METTL8: variants seen among roughly 807,000 people sequenced by gnomAD.
The protein encoded by METTL8 is tRNA N(3)-cytidine methyltransferase METTL8, mitochondrial.
Under a neutral mutation model 48.7 loss-of-function variants are expected in METTL8, and 32 were observed. The ratio of observed to expected loss-of-function variants is 0.66; its 90% CI spans 0.50 to 0.88. The LOEUF is 0.88. Ranked by LOEUF, METTL8 falls within the 40% of genes least tolerant of loss-of-function variation. The pLI is 0.00. For missense variants in METTL8, 464 were observed against 474.4 expected, an observed-to-expected ratio of 0.98 and a Z score of 0.20; for synonymous variants, 136 against 157.1, an observed-to-expected ratio of 0.87 and a Z score of 1.01.
chr2:171,406,415 A>T (rs1050138692), intron 1 of METTL8, among the ~76,000 whole-genome samples: 1 of 152,228 alleles, frequency 6.6e-6, no homozygotes, highest in African/African-American at 2.4e-5. Flanking sequence ...TGCTTAAACA[A>T]CAGAAATTTT....
chr2:171,412,474 A>C (rs1690845783), intron 1 of METTL8, among the ~76,000 whole-genome samples: 1 of 152,216 alleles, frequency 6.6e-6, no homozygotes, highest in Non-Finnish European at 1.5e-5. Flanking sequence ...TTAAACTAGA[A>C]GTTCTCAGAG....
chr2:171,356,161 A>AT (rs929802019), intron 3 of METTL8, among the ~76,000 whole-genome samples: 33 of 151,232 alleles, frequency 2.2e-4, no homozygotes, highest in East Asian at 1.2e-3. Context: ...TCTTCCAGCT[A>AT]TTTTTTTTTG....
At chr2:171,410,462 T>C (rs1055337176) in intron 1 of METTL8, among the ~76,000 whole-genome samples, 3 of 152,322 alleles carry the variant, frequency 2.0e-5, no homozygotes, top group Non-Finnish European at 4.4e-5. Context: ...ACATAAAACC[T>C]GTCAACCAAC....
At chr2:171,427,208 A>G (rs1238075292) in intron 1 of METTL8, among the ~76,000 whole-genome samples, 1 of 152,186 alleles carries the variant, frequency 6.6e-6, no homozygotes, top group African/African-American at 2.4e-5. Flanking sequence ...TCCAAAATAC[A>G]TCTTGAATCT....
chr2:171,418,859 G>A (rs1420248815), intron 1 of METTL8, among the ~76,000 whole-genome samples: 2 of 152,096 alleles, frequency 1.3e-5, no homozygotes, highest in Non-Finnish European at 2.9e-5. Flanking sequence ...GGAGGCTGAG[G>A]TGGGAAGACT....
intron 1 of METTL8, among the ~76,000 whole-genome samples, chr2:171,410,747 C>T (rs191626324): frequency 1.1e-4 from 16 of 152,240 alleles, no homozygotes; most frequent in African/African-American, 3.6e-4. Context: ...GTTCTTGTTG[C>T]CATACATGTA....
chr2:171,404,943 C>T (rs1427117264), intron 1 of METTL8, among the ~76,000 whole-genome samples: 1 of 152,178 alleles, frequency 6.6e-6, no homozygotes, highest in Non-Finnish European at 1.5e-5. Flanking sequence ...TCAAGTCACA[C>T]TTCAGAGGGA....
At position 171,318,216 on chromosome 2, in the gene METTL8, T is replaced by C. The variant is rs1325127455; in HGVS notation, c.*5956A>G. On this transcript the variant is annotated 3_prime_UTR_variant, in exon 10 of 10. Coordinates refer to ENST00000375258, the MANE Select transcript of METTL8 (RefSeq NM_001321154.2). The stretch of plus-strand genomic sequence containing the variant: ...TATATTTATAACTACACCAAAGCCA[T>C]CTTGCGGGTACCTTTGCGCCTCTCA... 6.6e-6 allele frequency: 1 copy of C among 152,204 alleles called. No homozygotes were observed. Among genetic ancestry groups the C allele is most frequent in the Non-Finnish European group, 1.5e-5 (1 of 68,042 alleles). 9.4% of individuals were successfully genotyped at this position (152,204 alleles called of 1,614,324 possible).
chr2:171,319,363 T>C lies in METTL8; in HGVS notation c.*4809A>G, dbSNP rs1559029592. On this transcript the variant is annotated 3_prime_UTR_variant, in exon 10 of 10. Coordinates refer to ENST00000375258, the MANE Select transcript of METTL8 (RefSeq NM_001321154.2). ...GATTAGTGATGCAAATGTGAAGTTATCTGCACTTGTGAGGAGCATAACAAA... is the reference window on the plus strand; with the variant it reads ...GATTAGTGATGCAAATGTGAAGTTACCTGCACTTGTGAGGAGCATAACAAA... The C allele has an allele frequency of 6.6e-6, 1 of 152,226 alleles. No individual in the cohort carries two copies. 9.4% of individuals were successfully genotyped at this position (152,226 alleles called of 1,614,324 possible).
chr2:171,425,714 C>T (rs963053007), intron 1 of METTL8, among the ~76,000 whole-genome samples: 2 of 152,184 alleles, frequency 1.3e-5, no homozygotes, highest in Non-Finnish European at 2.9e-5. Flanking sequence ...TTTAGGACTT[C>T]TACAAGAATT....
intron 9 of METTL8, among the ~76,000 whole-genome samples, chr2:171,324,836 C>T (rs1486628642): frequency 6.6e-6 from 1 of 152,110 alleles, no homozygotes; most frequent in Non-Finnish European, 1.5e-5. Context: ...CTGAAGCAGG[C>T]AAATCACCTG....
intron 2 of METTL8, among the ~76,000 whole-genome samples, chr2:171,370,481 A>G (rs567656911): frequency 1.5e-4 from 23 of 152,112 alleles, no homozygotes; most frequent in African/African-American, 5.3e-4. Flanking sequence ...TGGTTTTTGT[A>G]TTAGTAATAG....
chr2:171,352,617 A>G (rs1383427879), intron 3 of METTL8, among the ~76,000 whole-genome samples: 1 of 152,122 alleles, frequency 6.6e-6, no homozygotes, highest in Non-Finnish European at 1.5e-5. Context: ...TTTGGTTGGT[A>G]GGCTCTTAAT....
At chr2:171,351,799 T>C (rs1255691825) in intron 3 of METTL8, among the ~76,000 whole-genome samples, 1 of 152,238 alleles carries the variant, frequency 6.6e-6, no homozygotes, top group Non-Finnish European at 1.5e-5. Context: ...CTTGTGATTT[T>C]TGCACATTGA....
chr2:171,434,333 G>T, upstream of METTL8: 1 of 696,328 alleles, frequency 1.4e-6, no homozygotes, highest in Non-Finnish European at 2.5e-6. Context: ...CGGCCAGAGA[G>T]CCTGGGGCAG....
Position 171,360,461 on chromosome 2 carries a change from T to C in METTL8, c.196A>G (p.Lys66Glu). Residue 66 changes from lysine (K) to glutamate (E), a missense_variant, in exon 3 of 10, where the codon AAA becomes GAA. Transcript: ENST00000375258. ...EEEAAARKKVKENSAVRVLLE... is the reference protein window; with the variant it reads ...EEEAAARKKVEENSAVRVLLE... ...AGGACTCGCACAGCTGAGTTTTCTT[T>C]TACTTTTTTTCTGGCTGCTGCTTCT... 4 of 1,613,998 alleles carry C rather than the reference T, an allele frequency of 2.5e-6. No homozygotes were observed. Among genetic ancestry groups the C allele is most frequent in the Non-Finnish European group, 3.4e-6 (4 of 1,179,972 alleles).
Position 171,321,675 on chromosome 2 carries a change from C to A in METTL8, c.*2497G>T, listed in dbSNP as rs1464719127. 1 of 152,132 alleles carries A rather than the reference C, an allele frequency of 6.6e-6. No individual in the cohort carries two copies. The highest frequency in any genetic ancestry group is 1.5e-5 in the Non-Finnish European group (1 of 68,034). The allele number at this position is 152,132 out of a possible 1,614,324, so 9.4% of individuals were successfully genotyped here. On this transcript the variant is annotated 3_prime_UTR_variant, in exon 10 of 10. Coordinates refer to ENST00000375258, the MANE Select transcript of METTL8 (RefSeq NM_001321154.2). ...GTGGTTCATAATCAAAGTCTGCTAG[C>A]TGGTAAGTTCCCTATTTGAGTGTTT...
intron 1 of METTL8, among the ~76,000 whole-genome samples, chr2:171,431,793 T>G (rs1693056064): frequency 6.6e-6 from 1 of 152,224 alleles, no homozygotes; most frequent in South Asian, 2.1e-4. Context: ...GCTGTTAACA[T>G]GCCCCTGTTC....
intron 2 of METTL8, among the ~76,000 whole-genome samples, chr2:171,369,643 A>G (rs151122080): frequency 1.3e-5 from 2 of 152,370 alleles, no homozygotes; most frequent in Non-Finnish European, 2.9e-5. Context: ...TGCGGTTCGT[A>G]GTAATTTAAG....
Sources: allele counts gnomAD v4.1 joint callset (sites outside exome capture counted in the v4.1 genomes callset), GRCh38; gene constraint gnomAD v4.1.1; transcripts MANE v1.5; gene names NCBI Gene and HGNC (gene_info 2026-07-23, HGNC 2026-07-21).